Variants in TBX20 observed in about 807,000 individuals in gnomAD.
The protein encoded by TBX20 is T-box transcription factor 20.
TBX20 carries 8 observed loss-of-function variants against 42.9 expected under a neutral mutation model. The ratio of observed to expected loss-of-function variants is 0.19; its 90% CI spans 0.11 to 0.34. TBX20 has a LOEUF of 0.34. TBX20 is among the 10% of genes least tolerant of loss of function. The probability of loss-of-function intolerance (pLI) is 1.00; values close to 1 mark genes in which losing one functional copy is unlikely to be tolerated. For missense variants in TBX20, 411 were observed against 566.0 expected, an observed-to-expected ratio of 0.73 and a Z score of 2.78; for synonymous variants, 198 against 222.8, an observed-to-expected ratio of 0.89 and a Z score of 0.99.
chr7:35,217,576 C>T (rs1400752333), intron 6 of TBX20, among the ~76,000 whole-genome samples: 1 of 152,162 alleles, frequency 6.6e-6, no homozygotes. Flanking sequence ...ATTTTAAGTG[C>T]AGAAACACAT....
intron 6 of TBX20, 114 bp from the exon 7 acceptor site, chr7:35,204,696 A>G (rs1196954547): frequency 1.4e-6 from 1 of 735,226 alleles, no homozygotes; most frequent in Non-Finnish European, 2.4e-6. Flanking sequence ...CCAAAAAGCA[A>G]CCACTGCACA....
At chr7:35,221,262 T>TA in intron 6 of TBX20, among the ~76,000 whole-genome samples, 1 of 109,504 alleles carries the variant, frequency 9.1e-6, no homozygotes, top group Admixed American at 9.7e-5. Context: ...TTTCCTATTA[T>TA]ATAGGACAAC....
chr7:35,237,944 A>T (rs1584353825), intron 5 of TBX20, among the ~76,000 whole-genome samples: 1 of 152,232 alleles, frequency 6.6e-6, no homozygotes. Flanking sequence ...GAGCTGAGAG[A>T]GGGTGAAGTT....
chr7:35,240,088 G>T (rs1381405010), intron 5 of TBX20, among the ~76,000 whole-genome samples: 1 of 152,176 alleles, frequency 6.6e-6, no homozygotes, highest in African/African-American at 2.4e-5. Flanking sequence ...ACAACAGAGA[G>T]TAAAAAGCAT....
chr7:35,224,240 G>C (rs988207317), intron 6 of TBX20, among the ~76,000 whole-genome samples: 7 of 152,164 alleles, frequency 4.6e-5, no homozygotes, highest in African/African-American at 1.7e-4. Context: ...CAATTAATTT[G>C]AACAAATTAG....
chr7:35,243,938 A>G (rs1790131259), intron 4 of TBX20, among the ~76,000 whole-genome samples: 2 of 152,232 alleles, frequency 1.3e-5, no homozygotes, highest in African/African-American at 4.8e-5. Context: ...TAATCCAACC[A>G]TATGAAACCA....
At position 35,247,412 on chromosome 7, in the gene TBX20, G is replaced by A. The variant is rs1420404856; in HGVS notation, c.545+1265C>T. Reference sequence around the variant, plus strand: ...TTGTTTTTTAGATTTTCTTAGTCTTGACTGTTATTTAATATACTGATTTGA... The same window carrying A: ...TTGTTTTTTAGATTTTCTTAGTCTTAACTGTTATTTAATATACTGATTTGA... On this transcript the variant is annotated intron_variant, in intron 3 of 7. Transcript: ENST00000408931. 2.6e-5 allele frequency among the ~76,000 whole-genome samples: 4 copies of A among 151,814 alleles called. No individual in the cohort carries two copies. The South Asian group carries it at 6.2e-4, about 24-fold the overall frequency.
intron 6 of TBX20, among the ~76,000 whole-genome samples, chr7:35,207,664 A>T (rs1789422503): frequency 6.6e-6 from 1 of 152,190 alleles, no homozygotes; most frequent in Admixed American, 6.5e-5. Flanking sequence ...TTTATATATG[A>T]ATGAGTTATG....
At chr7:35,230,206 C>A (rs1789844289) in intron 6 of TBX20, among the ~76,000 whole-genome samples, 1 of 152,178 alleles carries the variant, frequency 6.6e-6, no homozygotes, top group African/African-American at 2.4e-5. Context: ...GAAATAAAGT[C>A]ATGCCTAAAT....
intron 6 of TBX20, among the ~76,000 whole-genome samples, chr7:35,217,809 C>T (rs1428261654): frequency 6.6e-6 from 1 of 152,146 alleles, no homozygotes; most frequent in East Asian, 1.9e-4. Context: ...CAACCACCAC[C>T]TCCCTGGTTC....
intron 6 of TBX20, among the ~76,000 whole-genome samples, chr7:35,224,383 G>T (rs1269441173): frequency 6.6e-6 from 1 of 152,128 alleles, no homozygotes; most frequent in Non-Finnish European, 1.5e-5. Flanking sequence ...TAAAATCCAG[G>T]CAGGAGGGCT....
chr7:35,239,786 T>C (rs1198116894), intron 5 of TBX20, among the ~76,000 whole-genome samples: 1 of 152,052 alleles, frequency 6.6e-6, no homozygotes, highest in Non-Finnish European at 1.5e-5. Flanking sequence ...GGGTCTCGCT[T>C]TGTCACCCAG....
intron 6 of TBX20, among the ~76,000 whole-genome samples, chr7:35,222,782 C>CT (rs996092533): frequency 1.3e-5 from 2 of 152,076 alleles, no homozygotes; most frequent in African/African-American, 4.8e-5. Flanking sequence ...AGAGAGGCAA[C>CT]TGGGTCAGGT....
Position 35,229,456 on chromosome 7 carries a change from C to T in TBX20, c.890+2048G>A, listed in dbSNP as rs112644545. ...TATCTGGAAATGAAATCCAAAACCT[C>T]GGCCAATTTCACACTACTTAGGTCA... On this transcript the variant is annotated intron_variant, in intron 6 of 7. Coordinates refer to ENST00000408931, the MANE Select transcript of TBX20 (RefSeq NM_001077653.2). Among the ~76,000 whole-genome samples the T allele has an allele frequency of 6.8e-3, 1,039 of 152,280 alleles. 7 individuals are homozygous for T. Among genetic ancestry groups the T allele is most frequent in the Non-Finnish European group, 0.01 (688 of 68,008 alleles).
At chr7:35,239,940 C>T (rs1304148470) in intron 5 of TBX20, among the ~76,000 whole-genome samples, 8 of 151,600 alleles carry the variant, frequency 5.3e-5, no homozygotes, top group African/African-American at 1.9e-4. Flanking sequence ...TTAGTAGAGA[C>T]GGTTTCACCA....
chr7:35,204,602 C>G lies in TBX20; in HGVS notation c.891-20G>C. ...CTTTCCCTAGGTTAGAGTGACATAT[C>G]ACAGGTTAAGTAAAATGTAAAGGAC... On this transcript the variant is annotated intron_variant, in intron 6 of 7. Transcript: ENST00000408931. The G allele has an allele frequency of 6.4e-7, 1 of 1,574,732 alleles. No individual in the cohort carries two copies. Among genetic ancestry groups the G allele is most frequent in the Non-Finnish European group, 8.7e-7 (1 of 1,145,190 alleles).
chr7:35,213,903 T>A lies in TBX20; in HGVS notation c.891-9321A>T, dbSNP rs941857235. On this transcript the variant is annotated intron_variant, in intron 6 of 7. Coordinates refer to ENST00000408931, the MANE Select transcript of TBX20 (RefSeq NM_001077653.2). ...AAAAAAAAAAAAAAAAAAAAAAAAT[T>A]CCCTGTCTAATGAGTGATGAGGGTA... 1.4e-3 allele frequency among the ~76,000 whole-genome samples: 129 copies of A among 89,098 alleles called. 2 individuals are homozygous for A. In the South Asian group the frequency reaches 0.023, roughly 16 times the overall value. The allele number at this position is 89,098 out of a possible 152,430, so 58.5% of individuals were successfully genotyped here.
intron 6 of TBX20, among the ~76,000 whole-genome samples, chr7:35,210,558 G>T (rs1789479347): frequency 6.6e-6 from 1 of 151,970 alleles, no homozygotes; most frequent in Non-Finnish European, 1.5e-5. Flanking sequence ...AACCATTATT[G>T]TATATTTGTC....
At chr7:35,210,224 C>T (rs1437268748) in intron 6 of TBX20, among the ~76,000 whole-genome samples, 2 of 150,996 alleles carry the variant, frequency 1.3e-5, no homozygotes, top group African/African-American at 4.9e-5. Context: ...AAGTGATTCT[C>T]GTGCCTCAGC....
Sources: gnomAD v4.1 joint callset for allele counts (sites outside exome capture counted in the v4.1 genomes callset) on GRCh38, gnomAD v4.1.1 for gene constraint, MANE v1.5 for transcripts, NCBI Gene and HGNC (gene_info 2026-07-23, HGNC 2026-07-21) for gene names.